PDXDC1: variants seen among roughly 807,000 people sequenced by gnomAD.
PDXDC1 encodes the protein pyridoxal dependent decarboxylase domain containing 1.
In PDXDC1, 42 loss-of-function variants were observed where a neutral mutation model predicts 100.1. The observed-to-expected ratio is 0.42, with a 90% CI of 0.33 to 0.54. The LOEUF is 0.54. Among genes scored for constraint, PDXDC1 ranks in the 20% least tolerant of loss-of-function variants. The probability of loss-of-function intolerance (pLI) is 0.10; values close to 1 mark genes in which losing one functional copy is unlikely to be tolerated. For synonymous variants in PDXDC1, 260 were observed against 371.7 expected (o/e 0.70, Z 3.46); for missense variants, 636 against 979.2 (o/e 0.65, Z 4.68).
intron 16 of PDXDC1, chr16:15,086,309 A>C: frequency 6.2e-7 from 1 of 1,603,596 alleles, no homozygotes; most frequent in Non-Finnish European, 8.5e-7. Context: ...TATAACATAT[A>C]CTATTACCAA....
At chr16:15,125,090 T>C (rs919799758) in intron 16 of PDXDC1, among the ~76,000 whole-genome samples, 1 of 129,948 alleles carries the variant, frequency 7.7e-6, no homozygotes, top group African/African-American at 3.0e-5. Context: ...GAGGTTGCAG[T>C]GAGCCGAGAT....
intron 16 of PDXDC1, chr16:15,085,520 G>T (rs1397517923): frequency 1.6e-5 from 22 of 1,403,726 alleles, no homozygotes; most frequent in Admixed American, 6.6e-5. Flanking sequence ...GTCTCACTAT[G>T]TTGCCCAGGC....
At chr16:15,141,767 G>A (rs539031318), downstream of PDXDC1, among the ~76,000 whole-genome samples, 5 of 152,350 alleles carry the variant, frequency 3.3e-5, no homozygotes, top group South Asian at 1.0e-3. Flanking sequence ...GGTGGGACAG[G>A]GTGGCGGCTG....
rs142665629 is a variant in PDXDC1, at chr16:15,111,072, G to A, written c.1400-27807G>A. Reference sequence around the variant, plus strand: ...GAAGCTGGGAGGCGGAGGTTGCAGTGAGCGGAGATCACACCACTGCACTCC... The same window carrying A: ...GAAGCTGGGAGGCGGAGGTTGCAGTAAGCGGAGATCACACCACTGCACTCC... On this transcript the variant is annotated intron_variant, in intron 16 of 16. Transcript: ENST00000535621. Among the ~76,000 whole-genome samples, 6 of 149,356 alleles carry A rather than the reference G, an allele frequency of 4.0e-5. 1 individual carries two copies. The highest frequency in any genetic ancestry group is 7.5e-5 in the Non-Finnish European group (5 of 66,798).
chr16:15,029,002 C>T, intron 15 of PDXDC1, 36 bp downstream of exon 15: 1 of 1,598,112 alleles, frequency 6.3e-7, no homozygotes. Flanking sequence ...CCTTTCAGGT[C>T]CCCGTCCATC....
intron 16 of PDXDC1, among the ~76,000 whole-genome samples, chr16:15,068,922 G>A (rs75058050): frequency 3.3e-5 from 5 of 152,074 alleles, no homozygotes; most frequent in African/African-American, 7.2e-5. Context: ...TCTTTGATAC[G>A]TATTTCAATA....
At chr16:15,034,260 T>A in intron 19 of PDXDC1, 26 bp from the exon 20 acceptor site, 1 of 1,605,162 alleles carries the variant, frequency 6.2e-7, no homozygotes, top group South Asian at 1.1e-5. Context: ...CTTAAACAAG[T>A]AATGTCTTTC....
intron 16 of PDXDC1, among the ~76,000 whole-genome samples, chr16:15,086,893 C>T (rs2151816196): frequency 6.6e-6 from 1 of 152,282 alleles, no homozygotes; most frequent in South Asian, 2.1e-4. Flanking sequence ...CAATTGGGGT[C>T]ATGAATAAAC....
At chr16:15,081,954 G>A (rs559125832) in intron 16 of PDXDC1, among the ~76,000 whole-genome samples, 2 of 152,276 alleles carry the variant, frequency 1.3e-5, no homozygotes, top group African/African-American at 4.8e-5. Flanking sequence ...GTTAGTGTAT[G>A]TTAGTCTTCT....
Position 15,035,534 on chromosome 16 carries a change from C to T in PDXDC1, c.2088C>T (p.Arg696=). 6.2e-7 allele frequency: 1 copy of T among 1,610,672 alleles called. No individual in the cohort carries two copies. Among genetic ancestry groups the T allele is most frequent in the Non-Finnish European group, 8.5e-7 (1 of 1,178,160 alleles). Residue 696 remains arginine, a synonymous_variant, in exon 22 of 23, where the codon CGC becomes CGT. Coordinates refer to ENST00000396410, the MANE Select transcript of PDXDC1 (RefSeq NM_015027.4). ...VTLPPTPSGS[R]TKQRLPGQKP... is the part of the protein sequence containing the mutation. ...TGCCTCCAACGCCCTCGGGCAGTCG[C>T]ACCAAGCAGAGGCTTCCAGGTAAGT...
chr16:15,130,478 C>T (rs775207999), intron 16 of PDXDC1: 60 of 1,392,368 alleles, frequency 4.3e-5, no homozygotes, highest in Non-Finnish European at 5.6e-5. Context: ...GGGCAGTGGA[C>T]GTGAGCCCAG....
intron 16 of PDXDC1, among the ~76,000 whole-genome samples, chr16:15,102,542 G>A (rs2046594421): frequency 6.6e-6 from 1 of 151,446 alleles, no homozygotes; most frequent in South Asian, 2.1e-4. Flanking sequence ...TCGAGACCCA[G>A]AGAGGGAGGC....
chr16:15,087,607 C>A (rs993197882), intron 16 of PDXDC1, among the ~76,000 whole-genome samples: 4 of 152,106 alleles, frequency 2.6e-5, no homozygotes, highest in African/African-American at 9.7e-5. Flanking sequence ...AGTAGCCTGG[C>A]AGTAAAATAA....
chr16:15,104,395 G>T, intron 16 of PDXDC1: 1 of 1,595,358 alleles, frequency 6.3e-7, no homozygotes, highest in Non-Finnish European at 8.5e-7. Context: ...GGAGTGAGCA[G>T]ACACACTTGG....
At chr16:15,129,278 A>G (rs918851633) in intron 16 of PDXDC1, among the ~76,000 whole-genome samples, 2 of 150,654 alleles carry the variant, frequency 1.3e-5, no homozygotes, top group Admixed American at 1.3e-4. Context: ...CCTGGCTGAC[A>G]CGGTGAAAAA....
At chr16:15,032,812 A>G (rs763703438) in intron 17 of PDXDC1, 49 bp from the exon 18 acceptor site, 1 of 1,016,470 alleles carries the variant, frequency 9.8e-7, no homozygotes, top group Non-Finnish European at 1.6e-6. Flanking sequence ...GTATCAGAAG[A>G]GACATTTGAT....
At chr16:15,081,422 G>C (rs2045698651) in intron 16 of PDXDC1, among the ~76,000 whole-genome samples, 1 of 152,040 alleles carries the variant, frequency 6.6e-6, no homozygotes, top group South Asian at 2.1e-4. Flanking sequence ...CATCCTTGTG[G>C]GCATGAAGTG....
Position 15,034,529 on chromosome 16 carries a change from GGAA to G in PDXDC1, c.1982_1984del (p.Arg661del). The G allele has an allele frequency of 6.2e-7, 1 of 1,613,938 alleles. No homozygotes were observed. Among genetic ancestry groups the G allele is most frequent in the Non-Finnish European group, 8.5e-7 (1 of 1,179,888 alleles). On this transcript the variant is annotated inframe_deletion, in exon 21 of 23. Transcript: ENST00000396410. ...TTCTCCGGTCCAGGCTTTACAGAAG[GGAA>G]GAACTTTTAACTTGACAGCAGGTAG...
downstream of PDXDC1, among the ~76,000 whole-genome samples, chr16:15,143,862 G>A (rs547148226): frequency 3.0e-4 from 45 of 152,320 alleles, no homozygotes; most frequent in South Asian, 8.1e-3. Context: ...TCTGGGGGCC[G>A]GACGGAGCCC....
Sources: allele counts gnomAD v4.1 joint callset (sites outside exome capture counted in the v4.1 genomes callset), GRCh38; gene constraint gnomAD v4.1.1; transcripts MANE v1.5; gene names NCBI Gene and HGNC (gene_info 2026-07-23, HGNC 2026-07-21).